The following TTK variants were observed in gnomAD, a reference collection of about 807,000 sequenced individuals.
The protein encoded by TTK is dual specificity protein kinase TTK.
Under a neutral mutation model 117.3 loss-of-function variants are expected in TTK, and 59 were observed. That is an observed-to-expected ratio of 0.50 (90% CI 0.41 to 0.62). The LOEUF is 0.62. Ranked by LOEUF, TTK falls within the 20% of genes least tolerant of loss-of-function variation. The probability of loss-of-function intolerance (pLI) is 0.00; values close to 1 mark genes in which losing one functional copy is unlikely to be tolerated. For synonymous variants in TTK, 302 were observed against 325.0 expected, an observed-to-expected ratio of 0.93 and a Z score of 0.76; for missense variants, 921 against 989.4, an observed-to-expected ratio of 0.93 and a Z score of 0.93.
intron 12 of TTK, among the ~76,000 whole-genome samples, chr6:80,026,767 A>C (rs1008240867): frequency 6.6e-6 from 1 of 152,202 alleles, no homozygotes; most frequent in African/African-American, 2.4e-5. Context: ...CAACCTATAA[A>C]TATTCTAAGG....
intron 11 of TTK, 109 bp from the exon 12 acceptor site, chr6:80,026,269 T>C: frequency 8.6e-7 from 1 of 1,160,728 alleles, no homozygotes; most frequent in Non-Finnish European, 1.2e-6. Context: ...AGTATGCCTT[T>C]GTATATCATA....
In TTK at chr6:80,038,006, G is replaced by T. The variant is rs1057520011; in HGVS notation, c.2089G>T (p.Asp697Tyr). ...TTATATGCCACCAGAAGCAATCAAA[G>T]ATATGTCTTCCTCCAGAGAGAATGG... ...VNYMPPEAIKDMSSSRENGKS... is the reference protein window; with the variant it reads ...VNYMPPEAIKYMSSSRENGKS... Residue 697 changes from aspartate to tyrosine, a missense_variant, in exon 18 of 22, where the codon GAT becomes TAT. Coordinates refer to ENST00000369798, the MANE Select transcript of TTK (RefSeq NM_003318.5). The T allele has an allele frequency of 1.2e-6, 2 of 1,610,612 alleles. No homozygotes were observed. The highest frequency in any genetic ancestry group is 1.1e-5 in the South Asian group (1 of 90,682).
intron 2 of TTK, among the ~76,000 whole-genome samples, chr6:80,006,632 CAT>C (rs1767002268): frequency 6.6e-6 from 1 of 152,054 alleles, no homozygotes; most frequent in South Asian, 2.1e-4. Context: ...TGCTGGGCAT[CAT>C]AGGAATACTA....
chr6:80,017,652 C>G (rs1288077704), intron 10 of TTK, among the ~76,000 whole-genome samples: 1 of 152,106 alleles, frequency 6.6e-6, no homozygotes, highest in Non-Finnish European at 1.5e-5. Flanking sequence ...TGAAAATTCA[C>G]GACTATTTTG....
Position 80,039,783 on chromosome 6 carries a change from C to A in TTK, c.2218C>A (p.Gln740Lys). ...AACACCATTTCAGCAGATAATTAAT[C>A]AGATTTCTAAATTACATGCCATAAT... The part of the protein sequence containing the change: ...GKTPFQQIIN[Q>K]ISKLHAIIDP... Residue 740 changes from glutamine (Q) to lysine (K), a missense_variant, in exon 19 of 22, where the codon CAG (glutamine) becomes AAG (lysine). Physicochemically the swap from Gln to Lys is moderately conservative, Grantham distance 53 (BLOSUM62 1). Transcript: ENST00000369798. 1 of 1,585,480 alleles carries A rather than the reference C, an allele frequency of 6.3e-7. No individual in the cohort carries two copies. Among genetic ancestry groups the A allele is most frequent in the Non-Finnish European group, 8.6e-7 (1 of 1,166,800 alleles).
intron 8 of TTK, among the ~76,000 whole-genome samples, 172 bp from the exon 9 acceptor site, chr6:80,013,107 G>A (rs1174535536): frequency 6.6e-6 from 1 of 151,952 alleles, no homozygotes; most frequent in African/African-American, 2.4e-5. Flanking sequence ...AATTTTGTTA[G>A]CTAAGTCACT....
chr6:80,016,061 A>G (rs894299171), intron 10 of TTK, among the ~76,000 whole-genome samples: 3 of 152,170 alleles, frequency 2.0e-5, no homozygotes, highest in African/African-American at 7.2e-5. Context: ...TGTTTTTATG[A>G]TATATAGTCT....
intron 14 of TTK, 143 bp downstream of exon 14, chr6:80,031,702 C>T: frequency 2.1e-6 from 1 of 475,504 alleles, no homozygotes; most frequent in Non-Finnish European, 3.7e-6. Context: ...TAACACCTGC[C>T]TTTCTCTTCC....
chr6:80,013,675 G>C (rs568998246), intron 9 of TTK: 1 of 184,504 alleles, frequency 5.4e-6, no homozygotes, highest in African/African-American at 2.3e-5. Flanking sequence ...TGGGGGAACT[G>C]TTGCCCCCAA....
At position 80,042,315 on chromosome 6, in the gene TTK, A is replaced by G. The variant is rs1768072223; in HGVS notation, c.*113A>G. ...GACAACATCACTCTGAAGTGTTATC[A>G]GCAAAAAAAATTCAGTAGATTATCT... On this transcript the variant is annotated 3_prime_UTR_variant, in exon 22 of 22. Transcript: ENST00000369798. 2 of 796,736 alleles carry G rather than the reference A, an allele frequency of 2.5e-6. No individual in the cohort carries two copies. The highest frequency in any genetic ancestry group is 2.7e-5 in the East Asian group (1 of 36,870). 49.4% of individuals were successfully genotyped at this position (796,736 alleles called of 1,614,324 possible).
chr6:80,016,083 T>C (rs147692801), intron 10 of TTK, among the ~76,000 whole-genome samples: 10 of 152,366 alleles, frequency 6.6e-5, no homozygotes, highest in Non-Finnish European at 1.5e-5. Context: ...TTGATTTTTA[T>C]TGCCGTATAC....
chr6:80,014,477 T>G lies in TTK; in HGVS notation c.999T>G (p.Ser333Arg), dbSNP rs1243624938. 6.2e-7 allele frequency: 1 copy of G among 1,606,858 alleles called. No homozygotes were observed. Among genetic ancestry groups the G allele is most frequent in the East Asian group, 2.2e-5 (1 of 44,696 alleles). ...TTTTCATGTAGTCTGTTCAAAATAG[T>G]CATTTCAAGGAACCTCTGGTGTCAG... ...ELRNLKSVQN[S>R]HFKEPLVSDE... is the part of the protein sequence containing the mutation. Residue 333 changes from serine to arginine, a missense_variant, in exon 10 of 22, where the codon AGT (serine) becomes AGG (arginine). Coordinates refer to ENST00000369798, the MANE Select transcript of TTK (RefSeq NM_003318.5).
chr6:80,032,729 T>C (rs2127681295), intron 14 of TTK, among the ~76,000 whole-genome samples: 4 of 152,316 alleles, frequency 2.6e-5, no homozygotes, highest in Admixed American at 2.6e-4. Flanking sequence ...AGAATCTATT[T>C]CTCACATCTC....
At chr6:80,024,574 T>C (rs1767555055) in intron 11 of TTK, among the ~76,000 whole-genome samples, 1 of 152,080 alleles carries the variant, frequency 6.6e-6, no homozygotes, top group Admixed American at 6.5e-5. Flanking sequence ...GGAAAGTAGA[T>C]TAGTGGTTGC....
At chr6:80,033,844 G>C (rs78486083) in intron 14 of TTK, among the ~76,000 whole-genome samples, 4 of 151,888 alleles carry the variant, frequency 2.6e-5, no homozygotes, top group African/African-American at 9.7e-5. Context: ...TAATTTAATT[G>C]CTTTCGTAGA....
chr6:80,040,725 A>G (rs1346103901), intron 21 of TTK, 22 bp downstream of exon 21: 9 of 1,601,030 alleles, frequency 5.6e-6, no homozygotes, highest in African/African-American at 1.3e-5. Context: ...TATTCTTTAC[A>G]TTAATTTTTA....
Position 80,031,468 on chromosome 6 carries a change from T to C in TTK, c.1523T>C (p.Val508Ala). 6.7e-7 allele frequency: 1 copy of C among 1,494,780 alleles called. No individual in the cohort carries two copies. Among genetic ancestry groups the C allele is most frequent in the Non-Finnish European group, 8.9e-7 (1 of 1,128,256 alleles). 92.6% of individuals were successfully genotyped at this position (1,494,780 alleles called of 1,614,324 possible). A position where few individuals can be genotyped will look rare whatever the true frequency, so the allele number is the denominator to read the frequency against. ...TATTTATATATTTTACTTATTTAGGTTTTAGCATCTTCTTCAGCAAATGAA... is the reference window on the plus strand; with the variant it reads ...TATTTATATATTTTACTTATTTAGGCTTTAGCATCTTCTTCAGCAAATGAA... ...ILATPLQNLQ[V>A]LASSSANECI... The change falls in exon 14 of 22, where the codon GTT (valine) becomes GCT (alanine). Residue 508 changes from valine to alanine, a missense_variant and splice_region_variant. Coordinates refer to ENST00000369798, the MANE Select transcript of TTK (RefSeq NM_003318.5).
Position 80,039,814 on chromosome 6 carries a change from C to A in TTK, c.2249C>A (p.Pro750His). ...QISKLHAIID[P>H]NHEIEFPDIP... is the part of the protein sequence containing the mutation. ...TCTAAATTACATGCCATAATTGATC[C>A]TAATCATGAAATTGAATTTCCCGAT... Residue 750 changes from proline to histidine, a missense_variant, in exon 19 of 22, where the codon CCT becomes CAT. Pro to His is a moderately conservative substitution (Grantham distance 77). Coordinates refer to ENST00000369798, the MANE Select transcript of TTK (RefSeq NM_003318.5). The A allele has an allele frequency of 6.3e-7, 1 of 1,586,260 alleles. No individual in the cohort carries two copies. The highest frequency in any genetic ancestry group is 1.2e-5 in the South Asian group (1 of 84,648).
chr6:80,014,451 T>A lies in TTK; in HGVS notation c.985-12T>A, dbSNP rs1767249922. On this transcript the variant is annotated splice_polypyrimidine_tract_variant and intron_variant, in intron 9 of 21. Transcript: ENST00000369798. ...ATTTATGGGACTTTATTTGATTTTC[T>A]TTTTCATGTAGTCTGTTCAAAATAG... The A allele has an allele frequency of 6.3e-7, 1 of 1,585,432 alleles. No individual in the cohort carries two copies. The highest frequency in any genetic ancestry group is 8.6e-7 in the Non-Finnish European group (1 of 1,169,480).
Sources: allele counts gnomAD v4.1 joint callset (sites outside exome capture counted in the v4.1 genomes callset), GRCh38; gene constraint gnomAD v4.1.1; transcripts MANE v1.5; gene names NCBI Gene and HGNC (gene_info 2026-07-23, HGNC 2026-07-21).